The following NFATC2 variants were observed in gnomAD, a reference collection of about 807,000 sequenced individuals.
NFATC2 encodes nuclear factor of activated T-cells, cytoplasmic 2.
NFATC2 carries 22 observed loss-of-function variants against 87.3 expected under a neutral mutation model. The observed-to-expected ratio is 0.25, with a 90% CI of 0.18 to 0.36. The LOEUF (loss-of-function observed/expected upper bound fraction) is 0.36. NFATC2 is among the 10% of genes least tolerant of loss of function. NFATC2 has a pLI of 1.00. For synonymous variants in NFATC2, 565 were observed against 542.2 expected (o/e 1.04, Z -0.58); for missense variants, 1,149 against 1,259.1 (o/e 0.91, Z 1.32).
At chr20:51,490,589 A>G (rs1278060913) in intron 3 of NFATC2, among the ~76,000 whole-genome samples, 1 of 152,214 alleles carries the variant, frequency 6.6e-6, no homozygotes, top group African/African-American at 2.4e-5. Context: ...GCTGCCATAA[A>G]TAGGAAACCA....
chr20:51,523,483 C>A lies in NFATC2; in HGVS notation c.758G>T (p.Arg253Met), dbSNP rs937048447. The change falls in exon 2 of 11, where the codon AGG becomes ATG. Residue 253 changes from arginine to methionine, a missense_variant. Arg to Met is a moderately conservative substitution (Grantham distance 91, BLOSUM62 -1). Transcript: ENST00000371564. This position sits in a 1 kb window ranked among gnomAD's most constrained non-coding sequence, Gnocchi z 6.9. ...AACCAAGGCCTCGGCGCACGAATGCCTCCGCTTGGCACCAGGCGATGAGGA... is the reference window on the plus strand; with the variant it reads ...AACCAAGGCCTCGGCGCACGAATGCATCCGCTTGGCACCAGGCGATGAGGA... ...SRSSSPGAKR[R>M]HSCAEALVAL... 1 of 1,611,878 alleles carries A rather than the reference C, an allele frequency of 6.2e-7. No individual in the cohort carries two copies. The highest frequency in any genetic ancestry group is 8.5e-7 in the Non-Finnish European group (1 of 1,178,982).
chr20:51,510,055 A>G (rs1289620851), intron 3 of NFATC2, among the ~76,000 whole-genome samples: 1 of 151,896 alleles, frequency 6.6e-6, no homozygotes, highest in Non-Finnish European at 1.5e-5. Flanking sequence ...AACCAAGAGG[A>G]CTCTTTGGAG....
At position 51,532,594 on chromosome 20, in the gene NFATC2, G is replaced by A. The variant is rs563028196; in HGVS notation, c.131-8484C>T. Among the ~76,000 whole-genome samples, 102 of 152,302 alleles carry A rather than the reference G, an allele frequency of 6.7e-4. 1 individual carries two copies. Among genetic ancestry groups the A allele is most frequent in the South Asian group, 3.1e-3 (15 of 4,828 alleles). On this transcript the variant is annotated intron_variant, in intron 1 of 10. Coordinates refer to ENST00000371564, the MANE Select transcript of NFATC2 (RefSeq NM_012340.5). ...AGGCCACACAGTGGTCCCCGCCAGC[G>A]CCTCTCCCCCTGGAAGCTCTGTGAG...
intron 1 of NFATC2, among the ~76,000 whole-genome samples, chr20:51,533,045 G>T (rs899172264): frequency 1.1e-4 from 16 of 152,352 alleles, no homozygotes; most frequent in African/African-American, 3.8e-4. Context: ...GCCTGGGTTT[G>T]GGACATGACA....
chr20:51,432,333 T>C lies in NFATC2; in HGVS notation c.2456A>G (p.Gln819Arg). The part of the protein sequence containing the change: ...PVIHYSPTNQ[Q>R]LRCGSHQEFQ... ...CTCCTGGTGGCTTCCGCAGCGCAGCTGCTGGTTGGTGGGTGAGTAGTGGAT... is the reference window on the plus strand; with the variant it reads ...CTCCTGGTGGCTTCCGCAGCGCAGCCGCTGGTTGGTGGGTGAGTAGTGGAT... The change falls in exon 9 of 11, where the codon CAG (glutamine) becomes CGG (arginine). Residue 819 changes from glutamine (Q) to arginine (R), a missense_variant. This residue lies in a region of NFATC2 where 581 missense variants were observed against 649.7 expected (regional missense o/e 0.89). Coordinates refer to ENST00000371564, the MANE Select transcript of NFATC2 (RefSeq NM_012340.5). This position sits in a 1 kb window ranked among gnomAD's most constrained non-coding sequence, Gnocchi z 4.6. 3 of 1,614,164 alleles carry C rather than the reference T, an allele frequency of 1.9e-6. No individual in the cohort carries two copies. The highest frequency in any genetic ancestry group is 2.5e-6 in the Non-Finnish European group (3 of 1,180,028).
chr20:51,421,513 A>G (rs1980911857), intron 9 of NFATC2, among the ~76,000 whole-genome samples: 1 of 152,212 alleles, frequency 6.6e-6, no homozygotes, highest in Non-Finnish European at 1.5e-5. Context: ...GTGAAGATAA[A>G]TAACAATGGA....
chr20:51,481,710 G>T (rs1285888522), intron 3 of NFATC2, among the ~76,000 whole-genome samples: 1 of 151,998 alleles, frequency 6.6e-6, no homozygotes, highest in African/African-American at 2.4e-5. Context: ...AGGCTTGGGG[G>T]CATCATTCTA....
intron 1 of NFATC2, among the ~76,000 whole-genome samples, chr20:51,538,835 T>A (rs553888617): frequency 1.3e-5 from 2 of 152,326 alleles, no homozygotes; most frequent in African/African-American, 4.8e-5. Context: ...AGCAGACAGA[T>A]GTCCAGAGAG....
chr20:51,412,776 C>A (rs1475088468), intron 9 of NFATC2, among the ~76,000 whole-genome samples: 1 of 152,118 alleles, frequency 6.6e-6, no homozygotes, highest in Non-Finnish European at 1.5e-5. Context: ...GCCCTCAGAA[C>A]AGGGGTGCAT....
At position 51,523,812 on chromosome 20, in the gene NFATC2, G is replaced by A. The variant is rs759897941; in HGVS notation, c.429C>T (p.Ala143=). Residue 143 remains alanine, a synonymous_variant, in exon 2 of 11, where the codon GCC becomes GCT. Coordinates refer to ENST00000371564, the MANE Select transcript of NFATC2 (RefSeq NM_012340.5). This position sits in a 1 kb window ranked among gnomAD's most constrained non-coding sequence, Gnocchi z 6.9. ...AGLLVEQPPL[A]GVAASPRFTL... ...TGAACCTCGGGCTGGCGGCCACCCCGGCCAGGGGCGGCTGCTCCACCAGGA... is the reference window on the plus strand; with the variant it reads ...TGAACCTCGGGCTGGCGGCCACCCCAGCCAGGGGCGGCTGCTCCACCAGGA... 20 of 1,608,640 alleles carry A rather than the reference G, an allele frequency of 1.2e-5. No homozygotes were observed. The highest frequency in any genetic ancestry group is 3.4e-5 in the Admixed American group (2 of 59,386).
At chr20:51,530,270 G>A (rs1328258170) in intron 1 of NFATC2, among the ~76,000 whole-genome samples, 3 of 152,206 alleles carry the variant, frequency 2.0e-5, no homozygotes, top group East Asian at 1.9e-4. Flanking sequence ...GGGTTCAAGC[G>A]ATTCTCCTGC....
intron 9 of NFATC2, among the ~76,000 whole-genome samples, chr20:51,425,537 G>A (rs1441660777): frequency 2.0e-5 from 3 of 152,190 alleles, no homozygotes; most frequent in Admixed American, 6.5e-5. Context: ...CAGCCCTGCC[G>A]GGGTCATCGT....
chr20:51,463,103 G>A (rs1209745913), intron 5 of NFATC2, among the ~76,000 whole-genome samples: 1 of 152,214 alleles, frequency 6.6e-6, no homozygotes, highest in Non-Finnish European at 1.5e-5. Context: ...GGTCTGGCTG[G>A]GCCTGGCTTG....
chr20:51,457,736 C>T (rs1409915722), intron 5 of NFATC2, among the ~76,000 whole-genome samples: 1 of 151,954 alleles, frequency 6.6e-6, no homozygotes, highest in Non-Finnish European at 1.5e-5. Flanking sequence ...CCTCAGGCCC[C>T]ACCCCAGACC....
intron 5 of NFATC2, among the ~76,000 whole-genome samples, chr20:51,469,037 T>C (rs1987958149): frequency 6.6e-6 from 1 of 151,500 alleles, no homozygotes; most frequent in Admixed American, 6.6e-5. Context: ...TTTTTTTTTT[T>C]CCTGAAATGG....
chr20:51,453,685 C>CA (rs1048268114), intron 6 of NFATC2, among the ~76,000 whole-genome samples: 1 of 152,150 alleles, frequency 6.6e-6, no homozygotes, highest in Non-Finnish European at 1.5e-5. Context: ...GGTGAATAAA[C>CA]AAAACATTAT....
At chr20:51,496,892 A>G (rs2146607608) in intron 3 of NFATC2, among the ~76,000 whole-genome samples, 1 of 152,318 alleles carries the variant, frequency 6.6e-6, no homozygotes, top group South Asian at 2.1e-4. Context: ...CAGAGTACAC[A>G]GCTCACATTC....
chr20:51,489,227 T>C (rs2075840791), intron 3 of NFATC2, among the ~76,000 whole-genome samples: 1 of 151,646 alleles, frequency 6.6e-6, no homozygotes, highest in Admixed American at 6.6e-5. Flanking sequence ...GAAGAGTTCC[T>C]GGGAGGAAGC....
intron 7 of NFATC2, 39 bp from the exon 8 acceptor site, chr20:51,435,353 T>C (rs1568974111): frequency 1.9e-6 from 3 of 1,613,488 alleles, no homozygotes; most frequent in Middle Eastern, 1.6e-4. Context: ...ACTGCAATCA[T>C]GTCTCAGTTC....
Sources: allele counts gnomAD v4.1 joint callset (sites outside exome capture counted in the v4.1 genomes callset), GRCh38; gene constraint gnomAD v4.1.1; regional missense constraint gnomAD v4.1.1; non-coding constraint Gnocchi (gnomAD v3.1); transcripts MANE v1.5; gene names NCBI Gene and HGNC (gene_info 2026-07-23, HGNC 2026-07-21).